Variants in MYH3 observed in about 807,000 individuals in gnomAD.
MYH3 encodes the protein myosin-3.
MYH3 carries 130 observed loss-of-function variants against 238.0 expected under a neutral mutation model. The observed-to-expected ratio is 0.55, with a 90% confidence interval of 0.47 to 0.63. MYH3 has a LOEUF of 0.63. Among genes scored for constraint, MYH3 ranks in the 30% least tolerant of loss-of-function variants. The probability of loss-of-function intolerance (pLI) is 0.00; values close to 1 mark genes in which losing one functional copy is unlikely to be tolerated. For missense variants in MYH3, 1,853 were observed against 2,374.9 expected, an observed-to-expected ratio of 0.78 and a Z score of 4.57; for synonymous variants, 880 against 924.1, an observed-to-expected ratio of 0.95 and a Z score of 0.86.
intron 9 of MYH3, 41 bp from the exon 10 acceptor site, chr17:10,647,321 G>T: frequency 6.2e-7 from 1 of 1,613,650 alleles, no homozygotes; most frequent in South Asian, 1.1e-5. Context: ...ACTGTTCCCA[G>T]TTAACTCTGA....
intron 17 of MYH3, 119 bp from the exon 18 acceptor site, chr17:10,641,491 A>G: frequency 1.3e-6 from 1 of 751,522 alleles, no homozygotes; most frequent in East Asian, 2.8e-5. Context: ...AAGTATAGTG[A>G]AATGATTTAA....
intron 33 of MYH3, 26 bp from the exon 34 acceptor site, chr17:10,632,810 T>C: frequency 1.2e-6 from 2 of 1,613,142 alleles, no homozygotes; most frequent in Admixed American, 3.3e-5. Context: ...GCAAATCAAA[T>C]AGTGTCTGTG....
upstream of MYH3, among the ~76,000 whole-genome samples, chr17:10,658,311 C>T (rs565959395): frequency 6.6e-6 from 1 of 152,226 alleles, no homozygotes; most frequent in Admixed American, 6.5e-5. Context: ...CCTGTGGTTG[C>T]TTATTCCAAA....
At position 10,645,751 on chromosome 17, in the gene MYH3, T is replaced by C. The variant is rs756531186; in HGVS notation, c.1097A>G (p.Lys366Arg). The C allele has an allele frequency of 3.1e-6, 5 of 1,613,806 alleles. No homozygotes were observed. Among genetic ancestry groups the C allele is most frequent in the Non-Finnish European group, 1.7e-6 (2 of 1,180,014 alleles). ...GGCCTGCTCCTCTCGCTGCTTCTGCTTGAACTTCATGTTCCCGTAGTGCAT... is the reference window on the plus strand; with the variant it reads ...GGCCTGCTCCTCTCGCTGCTTCTGCCTGAACTTCATGTTCCCGTAGTGCAT... ...AVMHYGNMKF[K>R]QKQREEQAEP... The change falls in exon 12 of 41, where the codon AAG becomes AGG. Residue 366 changes from lysine (K) to arginine (R), a missense_variant. Lys to Arg is a conservative substitution (Grantham distance 26, BLOSUM62 2). Coordinates refer to ENST00000583535, the MANE Select transcript of MYH3 (RefSeq NM_002470.4).
the MYH3 span, among the ~76,000 whole-genome samples, chr17:10,668,120 TGCG>T: frequency 6.6e-6 from 1 of 152,176 alleles, no homozygotes; most frequent in African/African-American, 2.4e-5. Context: ...AGTGGCTGGG[TGCG>T]GCGGCTCACG....
chr17:10,671,058 T>C, the MYH3 span, among the ~76,000 whole-genome samples: 1 of 151,818 alleles, frequency 6.6e-6, no homozygotes, highest in Admixed American at 6.6e-5. Flanking sequence ...GCCCAGCTAA[T>C]TTTTTTTGTA....
rs1452084021 is a variant in MYH3 at position 10,634,100 on chromosome 17, G to C, written c.4439C>G (p.Thr1480Ser). ...ASLKESRSLS[T>S]ELFKLKNAYE... ...GGCATTTTTCAGTTTGAAGAGCTCA[G>C]TGCTCAAGGAGCGGGACTCCTTCAG... The change falls in exon 32 of 41, where the codon ACT becomes AGT. Residue 1480 changes from threonine to serine, a missense_variant. Coordinates refer to ENST00000583535, the MANE Select transcript of MYH3 (RefSeq NM_002470.4). The C allele has an allele frequency of 6.2e-7, 1 of 1,614,206 alleles. No individual in the cohort carries two copies. Among genetic ancestry groups the C allele is most frequent in the Non-Finnish European group, 8.5e-7 (1 of 1,180,032 alleles).
Position 10,647,522 on chromosome 17 carries a change from C to G in MYH3, c.736-96G>C, listed in dbSNP as rs2074333083. On this transcript the variant is annotated intron_variant, in intron 8 of 40. Coordinates refer to ENST00000583535, the MANE Select transcript of MYH3 (RefSeq NM_002470.4). ...TAATTTGAGTAGGAGCCTAGTCCCC[C>G]TAAAATTTTTGTTTTGTTTTGTTTT... 14 of 1,370,974 alleles carry G rather than the reference C, an allele frequency of 1.0e-5. No individual in the cohort carries two copies. The South Asian group carries it at 1.6e-4, about 15-fold the overall frequency. 84.9% of individuals were successfully genotyped at this position (1,370,974 alleles called of 1,614,324 possible).
At chr17:10,663,764 A>T in the MYH3 span, among the ~76,000 whole-genome samples, 2 of 152,130 alleles carry the variant, frequency 1.3e-5, no homozygotes, top group Admixed American at 6.6e-5. Flanking sequence ...ACTAACACTT[A>T]AAAAAAGGTC....
rs756183345 is a variant in MYH3 at position 10,642,294 on chromosome 17, CT to C, written c.1904del (p.Lys635ArgfsTer22). ...AAGAACCCTTCTTCTTGGCAACTTT[CT>C]TCTTTCCACTGTCAGCTGAAAGCAA... Reference protein sequence around the residue: ...FATADADSGKKKVAKKKGSSF... With the variant: ...FATADADSGKXKVAKKKGSSF... On this transcript the variant is annotated frameshift_variant, in exon 17 of 41. Coordinates refer to ENST00000583535, the MANE Select transcript of MYH3 (RefSeq NM_002470.4). LOFTEE classifies it high-confidence loss of function. The surrounding 1 kb of genome is among the most constrained non-coding windows in gnomAD (Gnocchi z 5.4). The C allele has an allele frequency of 4.3e-6, 7 of 1,614,108 alleles. No homozygotes were observed. Among genetic ancestry groups the C allele is most frequent in the Admixed American group, 1.7e-5 (1 of 60,016 alleles).
At chr17:10,677,238 C>T in the MYH3 span, 7,893 of 152,146 alleles carry the variant, frequency 0.052, 700 homozygotes, top group African/African-American at 0.18. Flanking sequence ...ACCTGGGAGG[C>T]GGAGGTTGCA....
In MYH3 at chr17:10,634,137, G is replaced by A; in HGVS notation, c.4402C>T (p.Leu1468=). The change falls in exon 32 of 41, where the codon CTG becomes TTG. Residue 1468 remains leucine, a synonymous_variant. Coordinates refer to ENST00000583535, the MANE Select transcript of MYH3 (RefSeq NM_002470.4). Reference sequence around the variant, plus strand: ...CGGGACTCCTTCAGGGATGCCTCCAGCTCTGCTTGGCTCTCCTCACACTTT... The same window carrying A: ...CGGGACTCCTTCAGGGATGCCTCCAACTCTGCTTGGCTCTCCTCACACTTT... The part of the protein sequence containing the change: ...KTKCEESQAE[L]EASLKESRSL... 6.2e-7 allele frequency: 1 copy of A among 1,614,212 alleles called. No individual in the cohort carries two copies. The highest frequency in any genetic ancestry group is 1.1e-5 in the South Asian group (1 of 91,092).
intron 33 of MYH3, 51 bp downstream of exon 33, chr17:10,633,540 C>G: frequency 6.2e-7 from 1 of 1,607,986 alleles, no homozygotes; most frequent in Non-Finnish European, 8.5e-7. Flanking sequence ...CCTCCCTGGC[C>G]GTGGCTCACC....
chr17:10,644,257 G>A (rs2074299722), intron 14 of MYH3, 94 bp downstream of exon 14: 1 of 1,364,206 alleles, frequency 7.3e-7, no homozygotes, highest in South Asian at 1.2e-5. Context: ...AGGAAACTAA[G>A]ACAGCCGCCA....
At chr17:10,634,565 C>A (rs908541200) in intron 31 of MYH3, among the ~76,000 whole-genome samples, 5 of 152,306 alleles carry the variant, frequency 3.3e-5, no homozygotes, top group Non-Finnish European at 7.3e-5. Flanking sequence ...TTAGACAGAC[C>A]AGTAGTACGG....
chr17:10,645,850 C>G lies in MYH3; in HGVS notation c.1003-5G>C. The G allele has an allele frequency of 6.2e-7, 1 of 1,613,944 alleles. No individual in the cohort carries two copies. The highest frequency in any genetic ancestry group is 1.6e-4 in the Middle Eastern group (1 of 6,062). The stretch of plus-strand genomic sequence containing the variant: ...GCCCAGGATGTCAATGGCGCTCTGG[C>G]ATGGAAAGGGCAGCACGTCAGTCAG... On this transcript the variant is annotated splice_region_variant and splice_polypyrimidine_tract_variant and intron_variant, in intron 11 of 40. Coordinates refer to ENST00000583535, the MANE Select transcript of MYH3 (RefSeq NM_002470.4).
chr17:10,671,061 T>C, the MYH3 span, among the ~76,000 whole-genome samples: 1 of 152,074 alleles, frequency 6.6e-6, no homozygotes, highest in Admixed American at 6.6e-5. Flanking sequence ...CAGCTAATTT[T>C]TTTTGTACTT....
intron 14 of MYH3, among the ~76,000 whole-genome samples, chr17:10,643,444 C>T (rs2074292078): frequency 1.3e-5 from 2 of 151,776 alleles, no homozygotes; most frequent in Non-Finnish European, 2.9e-5. Context: ...GGCACCATCT[C>T]GGCTCACTGC....
At chr17:10,662,040 T>TTG (rs758043973), upstream of MYH3, among the ~76,000 whole-genome samples, 116 of 151,516 alleles carry the variant, frequency 7.7e-4, no homozygotes, top group African/African-American at 2.7e-3. Flanking sequence ...TTTTTTTTTT[T>TTG]AGACAGGGTC....
Sources: gnomAD v4.1 joint callset for allele counts (sites outside exome capture counted in the v4.1 genomes callset) on GRCh38, gnomAD v4.1.1 for gene constraint, Gnocchi (gnomAD v3.1) non-coding constraint, MANE v1.5 for transcripts, NCBI Gene and HGNC (gene_info 2026-07-23, HGNC 2026-07-21) for gene names.